The following RPTOR variants were observed in gnomAD, a reference collection of about 807,000 sequenced individuals.
RPTOR encodes the protein regulatory associated protein of MTOR complex 1, also known as regulatory-associated protein of mTOR.
A neutral mutation model predicts 169.9 loss-of-function variants in RPTOR; 21 were observed. That is an observed-to-expected ratio of 0.12 (90% CI 0.09 to 0.18). RPTOR has a LOEUF of 0.18. Ranked by LOEUF, RPTOR falls within the 10% of genes least tolerant of loss-of-function variation. The pLI, the probability that RPTOR is intolerant of heterozygous loss-of-function variation, is 1.00. For synonymous variants in RPTOR, 732 were observed against 753.2 expected (o/e 0.97, Z 0.46); for missense variants, 1,133 against 1,855.9 (o/e 0.61, Z 7.16).
At chr17:80,612,820 A>G (rs1243986696) in intron 1 of RPTOR, among the ~76,000 whole-genome samples, 1 of 152,182 alleles carries the variant, frequency 6.6e-6, no homozygotes, top group African/African-American at 2.4e-5. Context: ...GTGAACCGTG[A>G]TCACGCCACT....
rs1472155172 is a variant in RPTOR, at chr17:80,840,478, G to A, written c.1212+2481G>A. ...CTTTGCACCGCAGCTCACGCTCACC[G>A]CACGGCAGCTCACTCTCACCACACG... On this transcript the variant is annotated intron_variant, in intron 10 of 33. Transcript: ENST00000306801. Among the ~76,000 whole-genome samples the A allele has an allele frequency of 4.0e-3, 499 of 124,098 alleles. 6 individuals carry two copies. Among genetic ancestry groups the A allele is most frequent in the African/African-American group, 0.015 (475 of 32,030 alleles). The allele number at this position is 124,098 out of a possible 152,430, so 81.4% of individuals were successfully genotyped here.
intron 3 of RPTOR, among the ~76,000 whole-genome samples, chr17:80,685,647 T>TA (rs1567856786): frequency 2.3e-4 from 25 of 107,606 alleles, no homozygotes; most frequent in East Asian, 1.2e-3. Flanking sequence ...TTTTTTTTTT[T>TA]TTTTTTTTTT....
intron 20 of RPTOR, among the ~76,000 whole-genome samples, chr17:80,896,553 ACACCCCACACAGCCGCGCCG>A (rs2068407541): frequency 7.6e-5 from 1 of 13,220 alleles, no homozygotes; most frequent in East Asian, 2.3e-3. Context: ...GGCCGCGCCG[ACACCCCACACAGCCGCGCCG>A]ACACCCCACA....
At chr17:80,608,054 T>G (rs1014822564) in intron 1 of RPTOR, among the ~76,000 whole-genome samples, 3 of 152,206 alleles carry the variant, frequency 2.0e-5, no homozygotes, top group African/African-American at 4.8e-5. Context: ...AATGTTGGGT[T>G]TCATGATACA....
Position 80,664,597 on chromosome 17 carries a change from C to G in RPTOR, c.348+20787C>G, listed in dbSNP as rs566211101. On this transcript the variant is annotated intron_variant, in intron 3 of 33. Transcript: ENST00000306801. The stretch of plus-strand genomic sequence containing the variant: ...CCTCTCTTTCCACCTCCTCCTCCGT[C>G]CCTGCTGGTCTCCTAAGAAGCACTT... Among the ~76,000 whole-genome samples the G allele has an allele frequency of 2.0e-5, 3 of 152,150 alleles. No homozygotes were observed. The South Asian group carries it at 6.2e-4, about 32-fold the overall frequency.
intron 6 of RPTOR, among the ~76,000 whole-genome samples, chr17:80,768,945 C>T (rs1425435245): frequency 6.6e-6 from 1 of 152,130 alleles, no homozygotes; most frequent in East Asian, 1.9e-4. Flanking sequence ...AATAAAAAAG[C>T]GATCATTTGA....
chr17:80,679,916 C>T (rs1014990393), intron 3 of RPTOR, among the ~76,000 whole-genome samples: 1 of 152,204 alleles, frequency 6.6e-6, no homozygotes, highest in African/African-American at 2.4e-5. Context: ...CTCCACGGTT[C>T]CCCAGAGCCC....
At chr17:80,748,890 G>A (rs55648656) in intron 5 of RPTOR, among the ~76,000 whole-genome samples, 170 of 13,402 alleles carry the variant, frequency 0.013, no homozygotes, top group Non-Finnish European at 0.019. Flanking sequence ...GGATGGAGGG[G>A]CTGCGGTGTG....
rs67908395 is a variant in RPTOR at position 80,634,118 on chromosome 17, CTGTG to C, written c.265+8336_265+8339del. On this transcript the variant is annotated intron_variant, in intron 2 of 33. Transcript: ENST00000306801. ...TGCATATTGTGTGCGTGTGTGCATACTGTGTGTGTGTGTGCATACTGTGTGCGTG... is the reference window on the plus strand; with the variant it reads ...TGCATATTGTGTGCGTGTGTGCATACTGTGTGTGTGCATACTGTGTGCGTG... Among the ~76,000 whole-genome samples, 13 of 136,256 alleles carry C rather than the reference CTGTG, an allele frequency of 9.5e-5. No individual in the cohort carries two copies. The South Asian group carries it at 1.5e-3, about 16-fold the overall frequency. The allele number at this position is 136,256 out of a possible 152,430, so 89.4% of individuals were successfully genotyped here.
At chr17:80,870,321 C>T (rs2143796286) in intron 13 of RPTOR, among the ~76,000 whole-genome samples, 1 of 152,320 alleles carries the variant, frequency 6.6e-6, no homozygotes, top group African/African-American at 2.4e-5. Flanking sequence ...AAGGAACCCG[C>T]ACTATGAAGA....
rs149581323 is a variant in RPTOR at position 80,864,650 on chromosome 17, T to C, written c.1509+6750T>C. ...ACACTACAAGAAACGTGAAGTCCTT[T>C]AGCCTTGAGGAGAATACTCTTCAGA... On this transcript the variant is annotated intron_variant, in intron 13 of 33. Transcript: ENST00000306801. Among the ~76,000 whole-genome samples, 556 of 152,340 alleles carry C rather than the reference T, an allele frequency of 3.6e-3. 1 individual carries two copies. Among genetic ancestry groups the C allele is most frequent in the Non-Finnish European group, 6.0e-3 (406 of 68,034 alleles).
chr17:80,930,315 G>GCTCAA (rs2068869029), intron 24 of RPTOR, among the ~76,000 whole-genome samples: 1 of 13,894 alleles, frequency 7.2e-5, no homozygotes, highest in Non-Finnish European at 1.5e-4. Flanking sequence ...CTCATCCCCA[G>GCTCAA]CTCAGCTCAG....
intron 5 of RPTOR, among the ~76,000 whole-genome samples, chr17:80,743,125 G>A (rs1024356159): frequency 2.0e-5 from 3 of 152,156 alleles, no homozygotes; most frequent in Non-Finnish European, 4.4e-5. Flanking sequence ...GCTCTTACTA[G>A]TGTCTCCAGC....
At position 80,964,390 on chromosome 17, in the gene RPTOR, C is replaced by T. The variant is rs1430477149; in HGVS notation, c.*60C>T. On this transcript the variant is annotated 3_prime_UTR_variant, in exon 34 of 34. Transcript: ENST00000306801. Reference sequence around the variant, plus strand: ...TGCTGTACATAGTGAAGCTGTCACTCGCCGGGGCACGGGGCGTCGGCTGCT... The same window carrying T: ...TGCTGTACATAGTGAAGCTGTCACTTGCCGGGGCACGGGGCGTCGGCTGCT... 14 of 1,550,032 alleles carry T rather than the reference C, an allele frequency of 9.0e-6. No individual in the cohort carries two copies. Among genetic ancestry groups the T allele is most frequent in the African/African-American group, 4.1e-5 (3 of 73,858 alleles).
At chr17:80,851,104 T>A (rs1228983443) in intron 11 of RPTOR, among the ~76,000 whole-genome samples, 1 of 152,220 alleles carries the variant, frequency 6.6e-6, no homozygotes, top group Non-Finnish European at 1.5e-5. Context: ...CATTTTTGTA[T>A]TTTTTGTAGA....
intron 7 of RPTOR, among the ~76,000 whole-genome samples, chr17:80,807,652 A>C (rs146760183): frequency 3.3e-5 from 5 of 151,686 alleles, no homozygotes; most frequent in Non-Finnish European, 7.4e-5. Flanking sequence ...GTGCCCGGCC[A>C]AGCCCCTTTT....
intron 11 of RPTOR, among the ~76,000 whole-genome samples, chr17:80,855,132 G>A (rs1347606957): frequency 1.3e-5 from 2 of 152,234 alleles, no homozygotes; most frequent in East Asian, 1.9e-4. Context: ...AGATCAGTAA[G>A]AGAAGTGTGG....
At chr17:80,585,291 G>A (rs566249759) in intron 1 of RPTOR, among the ~76,000 whole-genome samples, 18 of 151,206 alleles carry the variant, frequency 1.2e-4, no homozygotes, top group African/African-American at 4.1e-4. Context: ...TGCAAACTCC[G>A]CTTCCCGGGT....
Position 80,962,793 on chromosome 17 carries a change from C to T in RPTOR, c.3810-135C>T, listed in dbSNP as rs74001165. On this transcript the variant is annotated intron_variant, in intron 32 of 33. Transcript: ENST00000306801. ...GGCCCGAGTCCTCAGTGAGAGTGACCAGAGGGTCACACCTGCCCCGAGCCA... is the reference window on the plus strand; with the variant it reads ...GGCCCGAGTCCTCAGTGAGAGTGACTAGAGGGTCACACCTGCCCCGAGCCA... 5.5e-4 allele frequency: 799 copies of T among 1,464,528 alleles called. 8 individuals carry two copies. In the African/African-American group the frequency reaches 0.01, roughly 18 times the overall value. The allele number at this position is 1,464,528 out of a possible 1,614,324, so 90.7% of individuals were successfully genotyped here. A position where few individuals can be genotyped will look rare whatever the true frequency, so the allele number is the denominator to read the frequency against.
Sources: gnomAD v4.1 joint callset for allele counts (sites outside exome capture counted in the v4.1 genomes callset) on GRCh38, gnomAD v4.1.1 for gene constraint, MANE v1.5 for transcripts, NCBI Gene and HGNC (gene_info 2026-07-23, HGNC 2026-07-21) for gene names.